MRPS28: variants seen among roughly 807,000 people sequenced by gnomAD.
MRPS28 encodes the protein small ribosomal subunit protein bS1m.
Under a neutral mutation model 10.8 loss-of-function variants are expected in MRPS28, and 7 were observed. The observed-to-expected ratio is 0.65, with a 90% confidence interval of 0.37 to 1.22. The LOEUF is 1.22. Ranked by LOEUF, MRPS28 falls within the 50% of genes most tolerant of loss-of-function variation. MRPS28 has a pLI of 0.02. For synonymous variants in MRPS28, 121 were observed against 93.3 expected (o/e 1.30, Z -1.71); for missense variants, 265 against 232.9 (o/e 1.14, Z -0.90).
chr8:80,022,139 A>G (rs973817288), intron 1 of MRPS28, among the ~76,000 whole-genome samples: 12 of 151,644 alleles, frequency 7.9e-5, no homozygotes, highest in African/African-American at 2.7e-4. Flanking sequence ...CCTGTTCTCC[A>G]TCTCTATAAT....
intron 2 of MRPS28, among the ~76,000 whole-genome samples, chr8:79,949,393 G>A (rs1328450353): frequency 2.0e-5 from 3 of 146,426 alleles, no homozygotes; most frequent in Admixed American, 6.9e-5. Flanking sequence ...CAGCCTGGGC[G>A]ACAGAGTGAG....
chr8:80,015,330 T>C (rs1000579249), intron 1 of MRPS28, among the ~76,000 whole-genome samples: 2 of 152,238 alleles, frequency 1.3e-5, no homozygotes, highest in African/African-American at 4.8e-5. Flanking sequence ...AAAACTATCA[T>C]GCATATGACA....
intron 1 of MRPS28, among the ~76,000 whole-genome samples, chr8:80,011,132 TTTA>T (rs1174105025): frequency 6.8e-6 from 1 of 146,738 alleles, no homozygotes; most frequent in African/African-American, 2.7e-5. Context: ...TTTTTATTTT[TTTA>T]TTTTTATTTT....
rs138290038 is a variant in MRPS28 at position 80,010,761 on chromosome 8, G to A, written c.214-7581C>T. Reference sequence around the variant, plus strand: ...CAGGAAAAAGAAAGTCACGACATTTGGCTTATGCCAAGTCCCTCAGGTGCT... The same window carrying A: ...CAGGAAAAAGAAAGTCACGACATTTAGCTTATGCCAAGTCCCTCAGGTGCT... On this transcript the variant is annotated intron_variant, in intron 1 of 2. Transcript: ENST00000276585. Among the ~76,000 whole-genome samples the A allele has an allele frequency of 4.1e-4, 63 of 152,326 alleles. No individual in the cohort carries two copies. The East Asian group carries it at 0.011, about 27-fold the overall frequency.
intron 2 of MRPS28, among the ~76,000 whole-genome samples, chr8:79,990,064 A>C (rs1808315115): frequency 6.6e-6 from 1 of 152,178 alleles, no homozygotes; most frequent in African/African-American, 2.4e-5. Context: ...AGGAGGCAGA[A>C]GCACAAGAAT....
chr8:79,996,797 T>C (rs573589013), intron 2 of MRPS28, among the ~76,000 whole-genome samples: 11 of 152,366 alleles, frequency 7.2e-5, no homozygotes, highest in Admixed American at 4.6e-4. Flanking sequence ...CTGCTTCATA[T>C]GTAAGACTGT....
intron 2 of MRPS28, among the ~76,000 whole-genome samples, chr8:79,985,427 G>C (rs1808125571): frequency 6.6e-6 from 1 of 152,072 alleles, no homozygotes; most frequent in African/African-American, 2.4e-5. Flanking sequence ...ACTAAAATCA[G>C]AGCAGAACTG....
intron 1 of MRPS28, among the ~76,000 whole-genome samples, chr8:80,006,843 C>G (rs1424575249): frequency 6.6e-6 from 1 of 152,184 alleles, no homozygotes; most frequent in Non-Finnish European, 1.5e-5. Context: ...ACCAGAGGTA[C>G]AAGGAGGAGC....
chr8:79,990,297 T>C (rs1005132043), intron 2 of MRPS28, among the ~76,000 whole-genome samples: 2 of 152,190 alleles, frequency 1.3e-5, no homozygotes, highest in Non-Finnish European at 2.9e-5. Flanking sequence ...ACCTTTAGCA[T>C]GAGTTACCGA....
intron 2 of MRPS28, among the ~76,000 whole-genome samples, chr8:79,920,880 T>C (rs985228671): frequency 6.6e-6 from 1 of 152,222 alleles, no homozygotes; most frequent in African/African-American, 2.4e-5. Flanking sequence ...ATGTCCTGAA[T>C]AGTATTGCCT....
At chr8:79,985,510 A>G (rs1160915172) in intron 2 of MRPS28, among the ~76,000 whole-genome samples, 1 of 152,228 alleles carries the variant, frequency 6.6e-6, no homozygotes, top group Non-Finnish European at 1.5e-5. Context: ...AAGGATCAAC[A>G]AAATTGATAG....
At chr8:79,962,544 A>G (rs1369724287) in intron 2 of MRPS28, among the ~76,000 whole-genome samples, 2 of 152,164 alleles carry the variant, frequency 1.3e-5, no homozygotes, top group East Asian at 3.9e-4. Context: ...CTTTTCGTCT[A>G]TGTCCTACAA....
intron 2 of MRPS28, among the ~76,000 whole-genome samples, chr8:79,926,867 C>T (rs923215364): frequency 6.6e-6 from 1 of 152,170 alleles, no homozygotes; most frequent in Non-Finnish European, 1.5e-5. Flanking sequence ...CCCAGACCTG[C>T]TGCAGCAAAA....
At chr8:79,963,227 T>A (rs1434662837) in intron 2 of MRPS28, among the ~76,000 whole-genome samples, 1 of 152,150 alleles carries the variant, frequency 6.6e-6, no homozygotes, top group Non-Finnish European at 1.5e-5. Context: ...GAAAAACATA[T>A]GCAAACATCT....
At chr8:79,974,728 AATG>A (rs1262926697) in intron 2 of MRPS28, among the ~76,000 whole-genome samples, 1 of 152,122 alleles carries the variant, frequency 6.6e-6, no homozygotes, top group Non-Finnish European at 1.5e-5. Context: ...GCTCATAGGA[AATG>A]ATGATAATAT....
intron 2 of MRPS28, among the ~76,000 whole-genome samples, chr8:79,919,712 C>A (rs1011122210): frequency 1.3e-5 from 2 of 152,166 alleles, no homozygotes; most frequent in Non-Finnish European, 2.9e-5. Flanking sequence ...GTTCTTAAAA[C>A]TGGTGTTTGC....
At chr8:79,934,468 G>A (rs377295629) in intron 2 of MRPS28, among the ~76,000 whole-genome samples, 5 of 152,034 alleles carry the variant, frequency 3.3e-5, no homozygotes, top group African/African-American at 1.2e-4. Context: ...CAGGAGGGAC[G>A]AACTAAAAAA....
intron 2 of MRPS28, among the ~76,000 whole-genome samples, chr8:79,996,562 C>T (rs116489360): frequency 1.2e-4 from 19 of 152,294 alleles, no homozygotes; most frequent in East Asian, 5.8e-4. Context: ...ATCCCACTCA[C>T]GAGGGCAGAA....
chr8:79,933,161 T>C (rs903393206), intron 2 of MRPS28, among the ~76,000 whole-genome samples: 6 of 152,200 alleles, frequency 3.9e-5, no homozygotes, highest in African/African-American at 1.4e-4. Flanking sequence ...ATACCACAGA[T>C]CGGGTGGCTT....
Sources: allele counts gnomAD v4.1 joint callset (sites outside exome capture counted in the v4.1 genomes callset), GRCh38; gene constraint gnomAD v4.1.1; transcripts MANE v1.5; gene names NCBI Gene and HGNC (gene_info 2026-07-23, HGNC 2026-07-21).